Variants in AKAP7 observed in about 807,000 individuals in gnomAD.
AKAP7 encodes the protein A kinase (PRKA) anchor protein 7.
A neutral mutation model predicts 39.5 loss-of-function variants in AKAP7; 39 were observed. The ratio of observed to expected loss-of-function variants is 0.99; its 90% confidence interval spans 0.76 to 1.29. The LOEUF (loss-of-function observed/expected upper bound fraction) is 1.29. Among genes scored for constraint, AKAP7 ranks in the 50% most tolerant of loss-of-function variants. The pLI, the probability that AKAP7 is intolerant of heterozygous loss-of-function variation, is 0.00. For synonymous variants in AKAP7, 140 were observed against 139.1 expected, an observed-to-expected ratio of 1.01 and a Z score of -0.05; for missense variants, 414 against 407.7, an observed-to-expected ratio of 1.02 and a Z score of -0.13.
intron 7 of AKAP7, among the ~76,000 whole-genome samples, chr6:131,240,827 A>G (rs181867040): frequency 6.6e-4 from 100 of 152,324 alleles, no homozygotes; most frequent in Non-Finnish European, 1.1e-3. Flanking sequence ...TGACTGGGAA[A>G]GGGAATTCCC....
At chr6:131,127,815 T>C in the AKAP7 span, among the ~76,000 whole-genome samples, 2 of 152,154 alleles carry the variant, frequency 1.3e-5, no homozygotes. Flanking sequence ...GAAAATATAG[T>C]ACCTATACAC....
chr6:131,261,805 G>A (rs763867532), intron 7 of AKAP7, among the ~76,000 whole-genome samples: 17 of 152,264 alleles, frequency 1.1e-4, no homozygotes, highest in Middle Eastern at 3.4e-3. Context: ...TGAAGAAGTA[G>A]TTTGTATCAT....
At chr6:131,156,236 A>G (rs1802406285) in intron 2 of AKAP7, among the ~76,000 whole-genome samples, 1 of 152,172 alleles carries the variant, frequency 6.6e-6, no homozygotes, top group South Asian at 2.1e-4. Context: ...ACAATGAAAT[A>G]TAAGGGGATG....
chr6:131,256,465 T>C (rs1812856704), intron 7 of AKAP7, among the ~76,000 whole-genome samples: 2 of 152,126 alleles, frequency 1.3e-5, no homozygotes, highest in Admixed American at 6.6e-5. Context: ...TTTGCAGGAT[T>C]CTACCATCAA....
At chr6:131,266,307 C>A (rs1443172162) in intron 7 of AKAP7, among the ~76,000 whole-genome samples, 1 of 152,124 alleles carries the variant, frequency 6.6e-6, no homozygotes, top group African/African-American at 2.4e-5. Flanking sequence ...CACTTGTTCC[C>A]CACAGAGAAC....
intron 6 of AKAP7, among the ~76,000 whole-genome samples, chr6:131,203,117 A>T (rs916659574): frequency 6.6e-6 from 1 of 152,214 alleles, no homozygotes. Flanking sequence ...CTTATGCAGC[A>T]AATCTACTGT....
intron 1 of AKAP7, chr6:131,136,912 G>A (rs1420882664): frequency 4.1e-6 from 4 of 974,334 alleles, no homozygotes; most frequent in Admixed American, 6.2e-5. Flanking sequence ...CTTTCCAGTT[G>A]TTCTTAGGAA....
At position 131,135,500 on chromosome 6, in the gene AKAP7, GTGCTGCGGCTGC is replaced by G. The variant is rs1562852403; in HGVS notation, c.-260_-249del. ...TTCCGGCGTCCGGCCTGGCATGCGG[GTGCTGCGGCTGC>G]TGCGGCTGCCGCCGCCGCTGCTGCC... On this transcript the variant is annotated 5_prime_UTR_variant, in exon 1 of 8. Coordinates refer to ENST00000431975, the MANE Select transcript of AKAP7 (RefSeq NM_016377.4). 6.7e-6 allele frequency among the ~76,000 whole-genome samples: 1 copy of G among 148,442 alleles called. No homozygotes were observed. Among genetic ancestry groups the G allele is most frequent in the Non-Finnish European group, 1.5e-5 (1 of 65,894 alleles).
chr6:131,172,000 T>C (rs1445274919), intron 5 of AKAP7, among the ~76,000 whole-genome samples: 1 of 152,158 alleles, frequency 6.6e-6, no homozygotes. Flanking sequence ...CAGAGAGCAG[T>C]ATATTGGATT....
At chr6:131,200,369 C>G (rs1807438947) in intron 6 of AKAP7, among the ~76,000 whole-genome samples, 1 of 152,212 alleles carries the variant, frequency 6.6e-6, no homozygotes, top group South Asian at 2.1e-4. Flanking sequence ...TGATGGCCTG[C>G]TCTCATATAC....
At chr6:131,165,808 A>G (rs9492851) in intron 4 of AKAP7, among the ~76,000 whole-genome samples, 6,669 of 152,174 alleles carry the variant, frequency 0.044, 506 homozygotes, top group African/African-American at 0.15. Flanking sequence ...CTGCTTTCCA[A>G]TCTGGAAGAA....
intron 1 of AKAP7, 107 bp downstream of exon 1, chr6:131,135,889 T>C (rs1800493599): frequency 3.7e-5 from 42 of 1,142,416 alleles, no homozygotes; most frequent in Non-Finnish European, 4.5e-5. Context: ...CGCCGGCCCT[T>C]CTCCGAGTCT....
Position 131,240,837 on chromosome 6 carries a change from C to A in AKAP7, c.850+21029C>A, listed in dbSNP as rs1020111612. On this transcript the variant is annotated intron_variant, in intron 7 of 7. Coordinates refer to ENST00000431975, the MANE Select transcript of AKAP7 (RefSeq NM_016377.4). Reference sequence around the variant, plus strand: ...TTCTTTGACTGGGAAAGGGAATTCCCTGACCCCTTGCACTTCCCGGGTGAG... The same window carrying A: ...TTCTTTGACTGGGAAAGGGAATTCCATGACCCCTTGCACTTCCCGGGTGAG... Among the ~76,000 whole-genome samples, 10 of 152,230 alleles carry A rather than the reference C, an allele frequency of 6.6e-5. 1 individual carries two copies. Among genetic ancestry groups the A allele is most frequent in the South Asian group, 4.1e-4 (2 of 4,832 alleles).
the AKAP7 span, among the ~76,000 whole-genome samples, chr6:131,126,019 C>G: frequency 6.6e-6 from 1 of 152,144 alleles, no homozygotes; most frequent in Non-Finnish European, 1.5e-5. Context: ...TTCTACATGA[C>G]ATGATTTTAG....
At chr6:131,270,252 C>A (rs1052590104) in intron 7 of AKAP7, among the ~76,000 whole-genome samples, 1 of 152,202 alleles carries the variant, frequency 6.6e-6, no homozygotes, top group Admixed American at 6.5e-5. Flanking sequence ...TACAGCTACA[C>A]CTGGAAACCG....
intron 5 of AKAP7, among the ~76,000 whole-genome samples, chr6:131,192,634 T>C (rs1408111756): frequency 6.6e-6 from 1 of 152,204 alleles, no homozygotes; most frequent in Non-Finnish European, 1.5e-5. Context: ...TCGTTGGAAT[T>C]TTGATAGGGA....
At chr6:131,159,933 C>A in intron 2 of AKAP7, 126 bp from the exon 3 acceptor site, 1 of 914,920 alleles carries the variant, frequency 1.1e-6, no homozygotes, top group Non-Finnish European at 1.6e-6. Flanking sequence ...TGTTTGCAAA[C>A]TCCTGCTTTA....
chr6:131,219,173 C>T (rs1286534825), intron 6 of AKAP7, among the ~76,000 whole-genome samples: 1 of 151,426 alleles, frequency 6.6e-6, no homozygotes, highest in Non-Finnish European at 1.5e-5. Context: ...GCCTGTAGTC[C>T]CAGCTACTCA....
At chr6:131,172,596 G>A (rs1337945332) in intron 5 of AKAP7, among the ~76,000 whole-genome samples, 1 of 151,988 alleles carries the variant, frequency 6.6e-6, no homozygotes, top group Non-Finnish European at 1.5e-5. Context: ...ATAAAGTGTT[G>A]GGATTACAGG....
Sources: gnomAD v4.1 joint callset for allele counts (sites outside exome capture counted in the v4.1 genomes callset) on GRCh38, gnomAD v4.1.1 for gene constraint, MANE v1.5 for transcripts, NCBI Gene and HGNC (gene_info 2026-07-23, HGNC 2026-07-21) for gene names.